AACS: variants seen among roughly 807,000 people sequenced by gnomAD.
The protein encoded by AACS is acetoacetate-CoA ligase.
A neutral mutation model predicts 83.1 loss-of-function variants in AACS; 69 were observed. The observed-to-expected ratio is 0.83, with a 90% CI of 0.68 to 1.01. AACS has a LOEUF of 1.01. Ranked by LOEUF, AACS falls within the 50% of genes least tolerant of loss-of-function variation. The pLI is 0.00. For missense variants in AACS, 866 were observed against 882.2 expected (o/e 0.98, Z 0.23); for synonymous variants, 333 against 343.4 (o/e 0.97, Z 0.33).
intron 17 of AACS, 43 bp from the exon 18 acceptor site, chr12:125,142,049 C>T (rs200587346): frequency 1.1e-5 from 18 of 1,610,760 alleles, no homozygotes; most frequent in Non-Finnish European, 1.4e-5. Flanking sequence ...ATTTTCCCCC[C>T]TTCAGGTTTA....
intron 1 of AACS, among the ~76,000 whole-genome samples, chr12:125,068,871 G>T (rs1188079565): frequency 1.4e-5 from 2 of 146,028 alleles, no homozygotes; most frequent in African/African-American, 2.5e-5. Context: ...ATGGAGTCTC[G>T]CTCTGTCACC....
chr12:125,142,087 C>A lies in AACS; in HGVS notation c.1882-5C>A. The A allele has an allele frequency of 6.2e-7, 1 of 1,613,990 alleles. No individual in the cohort carries two copies. Among genetic ancestry groups the A allele is most frequent in the South Asian group, 1.1e-5 (1 of 91,060 alleles). On this transcript the variant is annotated splice_polypyrimidine_tract_variant and splice_region_variant and intron_variant, in intron 17 of 17. Transcript: ENST00000316519. ...TGTTCCTGTTTTTCTACCTTTCCCTCGCAGTATACGCTCAACGGCAAGAAA... is the reference window on the plus strand; with the variant it reads ...TGTTCCTGTTTTTCTACCTTTCCCTAGCAGTATACGCTCAACGGCAAGAAA...
intron 4 of AACS, among the ~76,000 whole-genome samples, chr12:125,087,744 T>G (rs1015286475): frequency 6.6e-6 from 1 of 152,188 alleles, no homozygotes; most frequent in African/African-American, 2.4e-5. Flanking sequence ...ATAAGTGCAG[T>G]AAGTGGCTGG....
chr12:125,085,167 T>C (rs10846822), intron 3 of AACS, among the ~76,000 whole-genome samples: 54,922 of 152,156 alleles, frequency 0.36, 12,310 homozygotes, highest in Non-Finnish European at 0.48. Context: ...TCAATTGTGG[T>C]GGTTGCAGGA....
At chr12:125,131,155 G>A (rs1212103530) in intron 14 of AACS, among the ~76,000 whole-genome samples, 3 of 152,166 alleles carry the variant, frequency 2.0e-5, no homozygotes, top group Non-Finnish European at 4.4e-5. Flanking sequence ...TACCCAGGAT[G>A]TTAGTAAGTG....
intron 4 of AACS, among the ~76,000 whole-genome samples, chr12:125,089,729 C>T (rs1360313031): frequency 7.2e-5 from 11 of 151,802 alleles, no homozygotes; most frequent in Non-Finnish European, 1.5e-4. Flanking sequence ...ATCTATCCAT[C>T]CTTCTCTCCA....
intron 3 of AACS, among the ~76,000 whole-genome samples, chr12:125,083,511 A>G (rs1375217182): frequency 1.3e-5 from 2 of 152,132 alleles, no homozygotes; most frequent in Non-Finnish European, 2.9e-5. Flanking sequence ...TTCCTGTTTT[A>G]ACATACATTT....
intron 4 of AACS, among the ~76,000 whole-genome samples, chr12:125,089,159 C>T (rs115169213): frequency 0.024 from 3,682 of 152,282 alleles, 153 homozygotes; most frequent in African/African-American, 0.083. Flanking sequence ...CTTCAGTTTA[C>T]GCTCATAGCC....
At chr12:125,069,300 G>A (rs949500041) in intron 1 of AACS, among the ~76,000 whole-genome samples, 7 of 152,170 alleles carry the variant, frequency 4.6e-5, no homozygotes, top group East Asian at 1.9e-4. Context: ...CCTTGCTCCC[G>A]CCCTGCAGGC....
In AACS at chr12:125,125,030, G is replaced by A. The variant is rs374483653; in HGVS notation, c.1309+6G>A. 4.3e-5 allele frequency: 70 copies of A among 1,613,874 alleles called. No homozygotes were observed. In the African/African-American group the frequency reaches 8.7e-4, roughly 20 times the overall value. On this transcript the variant is annotated splice_donor_region_variant and intron_variant, in intron 12 of 17. Transcript: ENST00000316519. ...CCTCCTGGGCTCCATCTCAGGTATG[G>A]CCCCGGTGGGGACAGTCCTTCCAGC...
intron 3 of AACS, among the ~76,000 whole-genome samples, chr12:125,082,233 G>A (rs1216471064): frequency 1.3e-5 from 2 of 149,298 alleles, no homozygotes; most frequent in East Asian, 2.0e-4. Context: ...GTGCAGTGGT[G>A]CAGTCACAAC....
At chr12:125,121,889 TG>T in intron 10 of AACS, 1 of 152,546 alleles carries the variant, frequency 6.6e-6, no homozygotes, top group East Asian at 1.9e-4. Flanking sequence ...TGGGGGGTCC[TG>T]GGGGCCACAC....
intron 8 of AACS, among the ~76,000 whole-genome samples, chr12:125,109,642 G>C (rs550902914): frequency 6.6e-6 from 1 of 152,280 alleles, no homozygotes; most frequent in East Asian, 1.9e-4. Flanking sequence ...GTTGGCGTTG[G>C]TGCAGTGCCG....
chr12:125,066,095 T>C (rs906400375), intron 1 of AACS, among the ~76,000 whole-genome samples: 6 of 152,138 alleles, frequency 3.9e-5, no homozygotes, highest in African/African-American at 1.4e-4. Context: ...CCTTTTTGAC[T>C]TGCAGCTCTT....
At chr12:125,080,659 C>T (rs1020116301) in intron 3 of AACS, among the ~76,000 whole-genome samples, 8 of 151,654 alleles carry the variant, frequency 5.3e-5, no homozygotes, top group African/African-American at 1.9e-4. Context: ...TTTGAGCCCC[C>T]CCTTTTTAAA....
At chr12:125,131,576 A>G (rs902383918) in intron 14 of AACS, among the ~76,000 whole-genome samples, 2 of 152,164 alleles carry the variant, frequency 1.3e-5, no homozygotes, top group South Asian at 2.1e-4. Flanking sequence ...AATGAGTATG[A>G]ATATGGGGTT....
At chr12:125,072,912 A>T in intron 1 of AACS, among the ~76,000 whole-genome samples, 1 of 142,672 alleles carries the variant, frequency 7.0e-6, no homozygotes, top group South Asian at 2.3e-4. Flanking sequence ...TTTACCATGT[A>T]ACTTTTGTTT....
Position 125,094,453 on chromosome 12 carries a change from C to T in AACS, c.570+2930C>T, listed in dbSNP as rs946172854. ...GTTGATGGAGTCGCACCGTTGGACT[C>T]GTGGGTTCACACGCCTGTCCACTGA... On this transcript the variant is annotated intron_variant, in intron 5 of 17. Transcript: ENST00000316519. This position sits in a 1 kb window ranked among gnomAD's most constrained non-coding sequence, Gnocchi z 4.1. 2.6e-5 allele frequency among the ~76,000 whole-genome samples: 4 copies of T among 152,198 alleles called. No individual in the cohort carries two copies. The highest frequency in any genetic ancestry group is 2.1e-4 in the South Asian group (1 of 4,820).
chr12:125,108,648 CT>C (rs1956883553), intron 8 of AACS, among the ~76,000 whole-genome samples: 1 of 151,984 alleles, frequency 6.6e-6, no homozygotes, highest in Non-Finnish European at 1.5e-5. Flanking sequence ...AGGTTAGTGA[CT>C]TTTAACCTGT....
Sources: gnomAD v4.1 joint callset for allele counts (sites outside exome capture counted in the v4.1 genomes callset) on GRCh38, gnomAD v4.1.1 for gene constraint, Gnocchi (gnomAD v3.1) non-coding constraint, MANE v1.5 for transcripts, NCBI Gene and HGNC (gene_info 2026-07-23, HGNC 2026-07-21) for gene names.